The following ZNF71 variants were observed in gnomAD, a reference collection of about 807,000 sequenced individuals.
The protein encoded by ZNF71 is endothelial zinc finger protein induced by tumor necrosis factor alpha.
A neutral mutation model predicts 6.7 loss-of-function variants in ZNF71; 3 were observed. That is an observed-to-expected ratio of 0.45 (90% CI 0.20 to 1.16). ZNF71 has a LOEUF of 1.16. Ranked by LOEUF, ZNF71 falls within the 50% of genes most tolerant of loss-of-function variation. The pLI is 0.25. For synonymous variants in ZNF71, 343 were observed against 311.1 expected (o/e 1.10, Z -1.08); for missense variants, 688 against 728.6 (o/e 0.94, Z 0.64).
intron 3 of ZNF71, among the ~76,000 whole-genome samples, chr19:56,615,327 A>G (rs1364686733): frequency 6.6e-6 from 1 of 152,188 alleles, no homozygotes; most frequent in Non-Finnish European, 1.5e-5. Flanking sequence ...TGATTGTACT[A>G]TTTCACATTT....
In ZNF71 at chr19:56,598,103, A is replaced by G. The variant is rs1394177451; in HGVS notation, c.-53+2675A>G. Among the ~76,000 whole-genome samples the G allele has an allele frequency of 6.6e-6, 1 of 152,200 alleles. No homozygotes were observed. Among genetic ancestry groups the G allele is most frequent in the East Asian group, 1.9e-4 (1 of 5,194 alleles). On this transcript the variant is annotated intron_variant, in intron 1 of 3. Coordinates refer to ENST00000599599, the MANE Select transcript of ZNF71 (RefSeq NM_001370215.1). This position sits in a 1 kb window ranked among gnomAD's most constrained non-coding sequence, Gnocchi z 4.2. ...GAAGACAGATGACAAACTTGAAAAC[A>G]ACTATTTTAAAAAAGACAGTTGTCA...
rs768970719 is a variant in ZNF71, at chr19:56,622,016, G to A, written c.909G>A (p.Ala303=). The A allele has an allele frequency of 1.9e-6, 3 of 1,608,222 alleles. No individual in the cohort carries two copies. Among genetic ancestry groups the A allele is most frequent in the Admixed American group, 1.7e-5 (1 of 59,160 alleles). ...ERIHTGEKPY[A]CGDCGKAFSQ... ...TCCACACGGGGGAGAAGCCCTACGC[G>A]TGCGGGGACTGCGGCAAGGCCTTCA... Residue 303 remains alanine, a synonymous_variant, in exon 4 of 4, where the codon GCG becomes GCA. Transcript: ENST00000599599.
chr19:56,605,884 G>A (rs8103806), intron 2 of ZNF71, among the ~76,000 whole-genome samples: 3,122 of 152,320 alleles, frequency 0.02, 108 homozygotes, highest in African/African-American at 0.07. Flanking sequence ...CCTTGGCTGT[G>A]ATGCCAGCTA....
rs1327887545 is a variant in ZNF71 at position 56,624,125 on chromosome 19, C to T, written c.*1368C>T. The T allele has an allele frequency of 6.0e-6, 1 of 166,716 alleles. No individual in the cohort carries two copies. Among genetic ancestry groups the T allele is most frequent in the East Asian group, 1.9e-4 (1 of 5,192 alleles). The allele number at this position is 166,716 out of a possible 1,614,324, so 10.3% of individuals were successfully genotyped here. A position where few individuals can be genotyped will look rare whatever the true frequency, so the allele number is the denominator to read the frequency against. The stretch of plus-strand genomic sequence containing the variant: ...ACTGGTTGCTAATGTTCTGGCATTT[C>T]CAGTTGTTCCACACTCCCTGACACT... On this transcript the variant is annotated 3_prime_UTR_variant, in exon 4 of 4. Transcript: ENST00000599599.
rs1285293312 is a variant in ZNF71 at position 56,613,403 on chromosome 19, T to C, written c.34-409T>C. Among the ~76,000 whole-genome samples, 2 of 152,212 alleles carry C rather than the reference T, an allele frequency of 1.3e-5. No individual in the cohort carries two copies. Among genetic ancestry groups the C allele is most frequent in the Non-Finnish European group, 2.9e-5 (2 of 68,028 alleles). On this transcript the variant is annotated intron_variant, in intron 2 of 3. Coordinates refer to ENST00000599599, the MANE Select transcript of ZNF71 (RefSeq NM_001370215.1). This position sits in a 1 kb window ranked among gnomAD's most constrained non-coding sequence, Gnocchi z 4.6. ...AACTAGTTCTTGAACATTTTGTGTC[T>C]GTATCCCAGCACTGGGCTTGCTGCC...
intron 1 of ZNF71, among the ~76,000 whole-genome samples, chr19:56,597,790 C>T (rs961084812): frequency 3.9e-5 from 6 of 152,116 alleles, no homozygotes; most frequent in Admixed American, 1.3e-4. Flanking sequence ...AACTTTTACA[C>T]GGAGCTTTTA....
intron 2 of ZNF71, among the ~76,000 whole-genome samples, chr19:56,606,967 T>C (rs1208383763): frequency 6.6e-6 from 1 of 152,158 alleles, no homozygotes; most frequent in Non-Finnish European, 1.5e-5. Context: ...TCAACAAGTC[T>C]ACCCACTTAC....
intron 2 of ZNF71, among the ~76,000 whole-genome samples, chr19:56,606,656 T>G (rs1406944602): frequency 6.6e-6 from 1 of 152,106 alleles, no homozygotes; most frequent in Non-Finnish European, 1.5e-5. Flanking sequence ...ATGGCACCGC[T>G]GAGGCCTTGG....
At chr19:56,597,040 C>T (rs915659250) in intron 1 of ZNF71, among the ~76,000 whole-genome samples, 1 of 152,170 alleles carries the variant, frequency 6.6e-6, no homozygotes, top group Non-Finnish European at 1.5e-5. Context: ...CCTTCATGGG[C>T]CCCTTGCTCC....
intron 1 of ZNF71, among the ~76,000 whole-genome samples, chr19:56,597,699 A>G (rs2044636616): frequency 6.7e-6 from 1 of 150,184 alleles, no homozygotes; most frequent in African/African-American, 2.5e-5. Context: ...TTCCTTTAGT[A>G]ATGTTTATTA....
chr19:56,598,809 GC>G lies in ZNF71; in HGVS notation c.-52-2692del, dbSNP rs79667590. On this transcript the variant is annotated intron_variant, in intron 1 of 3. Coordinates refer to ENST00000599599, the MANE Select transcript of ZNF71 (RefSeq NM_001370215.1). The surrounding 1 kb of genome is among the most constrained non-coding windows in gnomAD (Gnocchi z 4.2). ...TCTGCCAACTTGGCCTTATATATAT[GC>G]CCCCCTACAATTAAAATTACTTTTC... Among the ~76,000 whole-genome samples the G allele has an allele frequency of 0.18, 26,658 of 152,032 alleles. 3,043 individuals carry two copies. The highest frequency in any genetic ancestry group is 0.32 in the East Asian group (1,668 of 5,158).
intron 3 of ZNF71, among the ~76,000 whole-genome samples, chr19:56,617,112 G>GTTT (rs748784485): frequency 0.024 from 3,368 of 140,430 alleles, 186 homozygotes; most frequent in African/African-American, 0.061. Flanking sequence ...ATTTTCTTTT[G>GTTT]TTTTTTTTTG....
rs1600592934 is a variant in ZNF71 at position 56,613,891 on chromosome 19, T to C, written c.113T>C (p.Leu38Pro). ...WQQLEPAQKDLYRDVMLENYR... is the reference protein window; with the variant it reads ...WQQLEPAQKDPYRDVMLENYR... Reference sequence around the variant, plus strand: ...CAGCTGGAGCCTGCCCAGAAGGACCTGTACAGGGATGTCATGCTGGAGAAC... The same window carrying C: ...CAGCTGGAGCCTGCCCAGAAGGACCCGTACAGGGATGTCATGCTGGAGAAC... Residue 38 changes from leucine to proline, a missense_variant, in exon 3 of 4, where the codon CTG becomes CCG. Physicochemically the swap from Leu to Pro is moderately conservative, Grantham distance 98 (BLOSUM62 -3). Coordinates refer to ENST00000599599, the MANE Select transcript of ZNF71 (RefSeq NM_001370215.1). The surrounding 1 kb of genome is among the most constrained non-coding windows in gnomAD (Gnocchi z 4.6). 8 of 1,093,954 alleles carry C rather than the reference T, an allele frequency of 7.3e-6. No homozygotes were observed. Among genetic ancestry groups the C allele is most frequent in the Non-Finnish European group, 6.8e-6 (6 of 882,086 alleles). 67.8% of individuals were successfully genotyped at this position (1,093,954 alleles called of 1,614,324 possible). A position where few individuals can be genotyped will look rare whatever the true frequency, so the allele number is the denominator to read the frequency against.
Position 56,622,283 on chromosome 19 carries a change from C to T in ZNF71, c.1176C>T (p.Gly392=). The change falls in exon 4 of 4, where the codon GGC becomes GGT. Residue 392 remains glycine, a synonymous_variant. Transcript: ENST00000599599. ...AGCCCTACGTGTGCGGCGAGTGCGGCAAGGCCTTCAGCCAGAGCTCCTACC... is the reference window on the plus strand; with the variant it reads ...AGCCCTACGTGTGCGGCGAGTGCGGTAAGGCCTTCAGCCAGAGCTCCTACC... ...GEKPYVCGEC[G]KAFSQSSYLI... 2 of 1,605,946 alleles carry T rather than the reference C, an allele frequency of 1.2e-6. No homozygotes were observed. The highest frequency in any genetic ancestry group is 1.4e-5 in the African/African-American group (1 of 73,652).
At chr19:56,606,654 G>T (rs1232523175) in intron 2 of ZNF71, among the ~76,000 whole-genome samples, 1 of 152,030 alleles carries the variant, frequency 6.6e-6, no homozygotes. Context: ...GGATGGCACC[G>T]CTGAGGCCTT....
At chr19:56,619,510 C>T (rs1488127353) in intron 3 of ZNF71, among the ~76,000 whole-genome samples, 3 of 152,172 alleles carry the variant, frequency 2.0e-5, no homozygotes, top group Non-Finnish European at 2.9e-5. Flanking sequence ...TCCCAAGTTT[C>T]GTATCGGATG....
chr19:56,603,941 G>A lies in ZNF71; in HGVS notation c.33+2350G>A, dbSNP rs938332219. Among the ~76,000 whole-genome samples, 1 of 152,126 alleles carries A rather than the reference G, an allele frequency of 6.6e-6. No individual in the cohort carries two copies. ...TACTAGAAAAAGGGGCCTTGGACAC[G>A]TACGTGCAGAGAACTCAGAGGCCCT... On this transcript the variant is annotated intron_variant, in intron 2 of 3. Coordinates refer to ENST00000599599, the MANE Select transcript of ZNF71 (RefSeq NM_001370215.1). The surrounding 1 kb of genome is among the most constrained non-coding windows in gnomAD (Gnocchi z 4.6).
In ZNF71 at chr19:56,622,779, A is replaced by C; in HGVS notation, c.*22A>C. ...CTGAGCGCCTCTGTGCAGGGCTCTC[A>C]CTGGCGGTGCCCAGGACGGACGCCA... On this transcript the variant is annotated 3_prime_UTR_variant, in exon 4 of 4. Transcript: ENST00000599599. 1.3e-6 allele frequency: 2 copies of C among 1,571,398 alleles called. No individual in the cohort carries two copies. The highest frequency in any genetic ancestry group is 4.5e-5 in the East Asian group (2 of 44,468).
rs1170681812 is a variant in ZNF71 at position 56,618,414 on chromosome 19, C to T, written c.161-2854C>T. Among the ~76,000 whole-genome samples, 1 of 152,230 alleles carries T rather than the reference C, an allele frequency of 6.6e-6. No individual in the cohort carries two copies. The highest frequency in any genetic ancestry group is 1.5e-5 in the Non-Finnish European group (1 of 68,048). On this transcript the variant is annotated intron_variant, in intron 3 of 3. Transcript: ENST00000599599. The surrounding 1 kb of genome is among the most constrained non-coding windows in gnomAD (Gnocchi z 4.6). ...AGGCGTGTTGCCAGTGCTCCATACT[C>T]GCTTATCTGGTACCTTCTGTGTGCA... is the stretch of plus-strand genomic sequence containing the variant.
Sources: gnomAD v4.1 joint callset for allele counts (sites outside exome capture counted in the v4.1 genomes callset) on GRCh38, gnomAD v4.1.1 for gene constraint, Gnocchi (gnomAD v3.1) non-coding constraint, MANE v1.5 for transcripts, NCBI Gene and HGNC (gene_info 2026-07-23, HGNC 2026-07-21) for gene names.